The following RAD17 variants were observed in gnomAD, a reference collection of about 807,000 sequenced individuals.
The protein encoded by RAD17 is RAD17 checkpoint clamp loader component, also known as cell cycle checkpoint protein RAD17.
A neutral mutation model predicts 81.5 loss-of-function variants in RAD17; 31 were observed. That is an observed-to-expected ratio of 0.38 (90% CI 0.29 to 0.51). The LOEUF (loss-of-function observed/expected upper bound fraction) is 0.51. RAD17 is among the 20% of genes least tolerant of loss of function. The pLI, the probability that RAD17 is intolerant of heterozygous loss-of-function variation, is 0.88. For missense variants in RAD17, 681 were observed against 781.2 expected (o/e 0.87, Z 1.53); for synonymous variants, 261 against 266.2 (o/e 0.98, Z 0.19).
rs549098359 is a variant in RAD17 at position 69,388,863 on chromosome 5, C to G, written c.895-171C>G. Among the ~76,000 whole-genome samples the G allele has an allele frequency of 3.3e-5, 5 of 152,276 alleles. No homozygotes were observed. The South Asian group carries it at 1.0e-3, about 32-fold the overall frequency. On this transcript the variant is annotated intron_variant, in intron 11 of 18. Transcript: ENST00000354868. The stretch of plus-strand genomic sequence containing the variant: ...GCTCAAGTGATCCTCCTGCCTCAGT[C>G]TCCCAAATTGCTGAGATTATAGGAA...
rs748245370 is a variant in RAD17 at position 69,381,951 on chromosome 5, G to A, written c.402G>A (p.Thr134=). 103 of 1,606,544 alleles carry A rather than the reference G, an allele frequency of 6.4e-5. No individual in the cohort carries two copies. Among genetic ancestry groups the A allele is most frequent in the Admixed American group, 2.7e-4 (16 of 59,656 alleles). ...ITGPPGCGKT[T]TLKILSKEHG... The stretch of plus-strand genomic sequence containing the variant: ...GTCCTCCTGGATGTGGAAAGACAAC[G>A]ACCTTAAAAATACTATCAAAGGAGC... The change falls in exon 7 of 19, where the codon ACG becomes ACA. Residue 134 remains threonine (T), a synonymous_variant. Coordinates refer to ENST00000354868, the MANE Select transcript of RAD17 (RefSeq NM_133338.3).
At chr5:69,375,854 A>G (rs942302852) in intron 6 of RAD17, among the ~76,000 whole-genome samples, 4 of 151,764 alleles carry the variant, frequency 2.6e-5, no homozygotes, top group African/African-American at 9.7e-5. Flanking sequence ...CCTGAATCTA[A>G]TAATAGTTTA....
chr5:69,397,860 G>A (rs773192647), intron 16 of RAD17, among the ~76,000 whole-genome samples: 1 of 152,220 alleles, frequency 6.6e-6, no homozygotes, highest in Non-Finnish European at 1.5e-5. Context: ...GCTCACGCCT[G>A]TAATCCCAGC....
In RAD17 at chr5:69,400,208, GTTTATTTA is replaced by G. The variant is rs3857278; in HGVS notation, c.1693+55_1693+62del. ...TTTTTCTTTTCTTTTAAGAAGTAGG[GTTTATTTA>G]TTTATTTATTTATTTTATTTTTTTA... On this transcript the variant is annotated intron_variant, in intron 17 of 18. Coordinates refer to ENST00000354868, the MANE Select transcript of RAD17 (RefSeq NM_133338.3). 1.1e-4 allele frequency: 110 copies of G among 1,024,544 alleles called. 9 individuals carry two copies. Among genetic ancestry groups the G allele is most frequent in the Middle Eastern group, 3.7e-4 (1 of 2,674 alleles). 63.5% of individuals were successfully genotyped at this position (1,024,544 alleles called of 1,614,324 possible). A position where few individuals can be genotyped will look rare whatever the true frequency, so the allele number is the denominator to read the frequency against.
In RAD17 at chr5:69,414,441, CTCT is replaced by C. The variant is rs1766252291; in HGVS notation, c.*153_*155del. 2 of 894,742 alleles carry C rather than the reference CTCT, an allele frequency of 2.2e-6. No individual in the cohort carries two copies. Among genetic ancestry groups the C allele is most frequent in the Non-Finnish European group, 3.3e-6 (2 of 602,426 alleles). The allele number at this position is 894,742 out of a possible 1,614,324, so 55.4% of individuals were successfully genotyped here. ...GTAGTATTTCATCACAAGAAACCTA[CTCT>C]TCTGTCATCTTGAAGTAAATAGAAG... On this transcript the variant is annotated 3_prime_UTR_variant, in exon 19 of 19. Coordinates refer to ENST00000354868, the MANE Select transcript of RAD17 (RefSeq NM_133338.3).
At chr5:69,410,965 CTATATATATATA>C (rs1554044686) in intron 18 of RAD17, among the ~76,000 whole-genome samples, 4 of 90,264 alleles carry the variant, frequency 4.4e-5, no homozygotes, top group African/African-American at 2.0e-4. Context: ...AGATGTCTGT[CTATATATATATA>C]TATATATATA....
intron 7 of RAD17, among the ~76,000 whole-genome samples, chr5:69,383,660 G>A (rs182008260): frequency 1.3e-5 from 2 of 152,224 alleles, no homozygotes; most frequent in African/African-American, 2.4e-5. Context: ...GATTACAGGC[G>A]TGAGCCACCA....
At chr5:69,376,580 G>A (rs1763346884) in intron 6 of RAD17, among the ~76,000 whole-genome samples, 1 of 152,168 alleles carries the variant, frequency 6.6e-6, no homozygotes, top group East Asian at 1.9e-4. Flanking sequence ...CACATGCATA[G>A]CCTTCTCCCG....
chr5:69,370,157 C>T (rs1186194299), intron 1 of RAD17: 4 of 177,276 alleles, frequency 2.3e-5, no homozygotes, highest in Admixed American at 6.3e-5. Flanking sequence ...AATATTTGAG[C>T]TTAGTATTCC....
intron 13 of RAD17, among the ~76,000 whole-genome samples, chr5:69,392,342 C>G (rs1261029860): frequency 6.6e-6 from 1 of 152,168 alleles, no homozygotes; most frequent in African/African-American, 2.4e-5. Context: ...ACACTGGGCT[C>G]CAGCCAACAG....
intron 4 of RAD17, 75 bp from the exon 5 acceptor site, chr5:69,373,755 C>T: frequency 1.1e-6 from 1 of 908,866 alleles, no homozygotes. Flanking sequence ...ATGTTGTTTC[C>T]AGAGTAGTTC....
chr5:69,390,113 C>T (rs1764457901), intron 12 of RAD17, among the ~76,000 whole-genome samples: 3 of 152,120 alleles, frequency 2.0e-5, no homozygotes, highest in Non-Finnish European at 2.9e-5. Flanking sequence ...TAATGGTCAT[C>T]GTTTACTGCA....
chr5:69,375,717 A>G (rs1445162787), intron 6 of RAD17, among the ~76,000 whole-genome samples: 1 of 152,190 alleles, frequency 6.6e-6, no homozygotes, highest in Non-Finnish European at 1.5e-5. Context: ...AATGCTGTCT[A>G]ATGATGAATT....
At chr5:69,384,965 T>C (rs1764092129) in intron 8 of RAD17, 32 bp downstream of exon 8, 1 of 1,544,518 alleles carries the variant, frequency 6.5e-7, no homozygotes, top group African/African-American at 1.4e-5. Context: ...TTTTTTTTTT[T>C]TTTTTTGAAA....
Position 69,369,833 on chromosome 5 carries a change from T to A in RAD17, c.-517T>A. ...CCGGGAGGCCGTACCTCCGAGAGGC[T>A]CGGCGTTGAGCCCGGGTAGGGCCAG... On this transcript the variant is annotated 5_prime_UTR_variant, in exon 1 of 19. Coordinates refer to ENST00000354868, the MANE Select transcript of RAD17 (RefSeq NM_133338.3). 1.1e-6 allele frequency: 1 copy of A among 948,536 alleles called. No homozygotes were observed. The highest frequency in any genetic ancestry group is 1.6e-6 in the Non-Finnish European group (1 of 630,798). The allele number at this position is 948,536 out of a possible 1,614,324, so 58.8% of individuals were successfully genotyped here. A position where few individuals can be genotyped will look rare whatever the true frequency, so the allele number is the denominator to read the frequency against.
chr5:69,410,799 C>T (rs1026773795), intron 18 of RAD17, among the ~76,000 whole-genome samples: 2 of 151,788 alleles, frequency 1.3e-5, no homozygotes, highest in Non-Finnish European at 2.9e-5. Flanking sequence ...CTTTAAAATC[C>T]TCCAACTCAA....
At chr5:69,375,529 AT>A (rs750820067) in intron 6 of RAD17, among the ~76,000 whole-genome samples, 38 of 152,244 alleles carry the variant, frequency 2.5e-4, no homozygotes, top group East Asian at 1.2e-3. Flanking sequence ...TAATAAAAAA[AT>A]ATATATAGAA....
chr5:69,397,195 G>A (rs995551081), intron 16 of RAD17, among the ~76,000 whole-genome samples: 2 of 151,856 alleles, frequency 1.3e-5, no homozygotes, highest in Admixed American at 6.6e-5. Context: ...AGGCTGGAGT[G>A]CAGTGGTGCC....
intron 18 of RAD17, among the ~76,000 whole-genome samples, chr5:69,412,156 C>G (rs1561281107): frequency 6.6e-6 from 1 of 151,992 alleles, no homozygotes; most frequent in African/African-American, 2.4e-5. Context: ...CAGGGTTTCA[C>G]TGTGTTAGCC....
Sources: gnomAD v4.1 joint callset for allele counts (sites outside exome capture counted in the v4.1 genomes callset) on GRCh38, gnomAD v4.1.1 for gene constraint, MANE v1.5 for transcripts, NCBI Gene and HGNC (gene_info 2026-07-23, HGNC 2026-07-21) for gene names.